EPB41L4A: variants seen among roughly 807,000 people sequenced by gnomAD.
EPB41L4A encodes erythrocyte membrane protein band 4.1 like 4A, also known as band 4.1-like protein 4A.
EPB41L4A carries 100 observed loss-of-function variants against 108.6 expected under a neutral mutation model. The ratio of observed to expected loss-of-function variants is 0.92; its 90% confidence interval spans 0.78 to 1.09. The LOEUF (loss-of-function observed/expected upper bound fraction) is 1.09. Among genes scored for constraint, EPB41L4A ranks in the 50% least tolerant of loss-of-function variants. The pLI, the probability that EPB41L4A is intolerant of heterozygous loss-of-function variation, is 0.00. For missense variants in EPB41L4A, 1,030 were observed against 842.7 expected (o/e 1.22, Z -2.75); for synonymous variants, 319 against 289.0 (o/e 1.10, Z -1.05).
intron 12 of EPB41L4A, among the ~76,000 whole-genome samples, chr5:112,222,249 A>G (rs1175849646): frequency 1.3e-5 from 2 of 152,252 alleles, no homozygotes; most frequent in Non-Finnish European, 2.9e-5. Context: ...CAGAAGTTGT[A>G]TATTTTCAAA....
At chr5:112,144,147 A>G (rs1478024151) in intron 13 of EPB41L4A, among the ~76,000 whole-genome samples, 1 of 152,214 alleles carries the variant, frequency 6.6e-6, no homozygotes, top group Non-Finnish European at 1.5e-5. Context: ...CAGCCCTGGG[A>G]ATATGAGGGA....
At chr5:112,410,268 T>C (rs902867413) in intron 1 of EPB41L4A, among the ~76,000 whole-genome samples, 1 of 151,302 alleles carries the variant, frequency 6.6e-6, no homozygotes, top group Non-Finnish European at 1.5e-5. Flanking sequence ...AGAAAGGAGG[T>C]TGGGACTTGA....
rs185610210 is a variant in EPB41L4A at position 112,153,158 on chromosome 5, G to C, written n.994+5243C>G. Among the ~76,000 whole-genome samples the C allele has an allele frequency of 6.2e-3, 940 of 152,084 alleles. 17 individuals carry two copies. The highest frequency in any genetic ancestry group is 0.021 in the African/African-American group (871 of 41,468). On this transcript the variant is annotated intron_variant and non_coding_transcript_variant, in intron 12 of 13. Transcript: ENST00000507810. ...TGCTTGATCCTGGAAGGTGGAGGTT[G>C]CAGTGAGCCGAGATCAAACCATTGC...
At chr5:112,226,175 T>G (rs924381442) in intron 12 of EPB41L4A, among the ~76,000 whole-genome samples, 39 of 152,226 alleles carry the variant, frequency 2.6e-4, no homozygotes, top group African/African-American at 9.4e-4. Flanking sequence ...GGAACATATA[T>G]TACTTTATTA....
chr5:112,317,553 A>G (rs1755508716), intron 1 of EPB41L4A, among the ~76,000 whole-genome samples: 1 of 152,190 alleles, frequency 6.6e-6, no homozygotes, highest in African/African-American at 2.4e-5. Context: ...TGGTGCATGA[A>G]GTCAGATCTA....
intron 2 of EPB41L4A, among the ~76,000 whole-genome samples, chr5:112,294,749 C>T (rs1414509312): frequency 6.6e-6 from 1 of 151,602 alleles, no homozygotes; most frequent in Non-Finnish European, 1.5e-5. Context: ...TACGGCGTAC[C>T]TGAAGTACGC....
intron 3 of EPB41L4A, 83 bp downstream of exon 3, chr5:112,280,189 A>C: frequency 1.7e-6 from 2 of 1,191,860 alleles, no homozygotes; most frequent in Non-Finnish European, 2.5e-6. Flanking sequence ...CCAGTACTAA[A>C]GCCCACTTCT....
chr5:112,415,904 G>C (rs1041497280), intron 1 of EPB41L4A, among the ~76,000 whole-genome samples: 3 of 151,768 alleles, frequency 2.0e-5, no homozygotes, highest in African/African-American at 7.3e-5. Context: ...TGCCCCTAAA[G>C]CAAGTAAAAA....
At position 112,165,128 on chromosome 5, in the gene EPB41L4A, A is replaced by ACATT; in HGVS notation, c.1933-11_1933-10insAATG. On this transcript the variant is annotated splice_polypyrimidine_tract_variant and intron_variant, in intron 22 of 22. Transcript: ENST00000261486. ...TAGACCCATTTCTTCTCTAAAATAT[A>ACATT]TTTGAAAAATGTAGAAAGATTCAGA... 1 of 1,585,266 alleles carries ACATT rather than the reference A, an allele frequency of 6.3e-7. No homozygotes were observed. Among genetic ancestry groups the ACATT allele is most frequent in the Non-Finnish European group, 8.6e-7 (1 of 1,160,020 alleles).
At chr5:112,199,525 A>G (rs1053907625) in intron 15 of EPB41L4A, among the ~76,000 whole-genome samples, 1 of 152,164 alleles carries the variant, frequency 6.6e-6, no homozygotes, top group African/African-American at 2.4e-5. Context: ...CCTAATCTCT[A>G]TATTTCAAGT....
chr5:112,333,336 T>C (rs544473368), intron 1 of EPB41L4A, among the ~76,000 whole-genome samples: 1 of 152,050 alleles, frequency 6.6e-6, no homozygotes, highest in African/African-American at 2.4e-5. Context: ...GGCAGGAATG[T>C]GCATGTCAAC....
Position 112,235,676 on chromosome 5 carries a change from T to A in EPB41L4A, c.966-921A>T, listed in dbSNP as rs995026281. Among the ~76,000 whole-genome samples, 7 of 152,326 alleles carry A rather than the reference T, an allele frequency of 4.6e-5. 1 individual carries two copies. The highest frequency in any genetic ancestry group is 2.0e-4 in the Admixed American group (3 of 15,294). ...ACAGACTTAAAATTCATCTTTCACATGCTTCTGTGGAAGTTTCTCCTCCTT... is the reference window on the plus strand; with the variant it reads ...ACAGACTTAAAATTCATCTTTCACAAGCTTCTGTGGAAGTTTCTCCTCCTT... On this transcript the variant is annotated intron_variant, in intron 11 of 22. Coordinates refer to ENST00000261486, the MANE Select transcript of EPB41L4A (RefSeq NM_022140.5).
chr5:112,411,025 C>A (rs1042348173), intron 1 of EPB41L4A, among the ~76,000 whole-genome samples: 14 of 152,168 alleles, frequency 9.2e-5, no homozygotes, highest in African/African-American at 3.4e-4. Context: ...GATAGGTGAG[C>A]TAATAAACTT....
intron 1 of EPB41L4A, among the ~76,000 whole-genome samples, chr5:112,409,577 G>A (rs751409473): frequency 4.6e-5 from 7 of 152,268 alleles, no homozygotes; most frequent in Admixed American, 1.3e-4. Flanking sequence ...AAACGGAAAG[G>A]AGAGAGATGC....
chr5:112,148,075 G>C (rs1369553782), intron 12 of EPB41L4A, among the ~76,000 whole-genome samples: 1 of 135,956 alleles, frequency 7.4e-6, no homozygotes, highest in African/African-American at 3.3e-5. Flanking sequence ...AGAAAATTGG[G>C]AGTTAAATAG....
intron 7 of EPB41L4A, 92 bp from the exon 8 acceptor site, chr5:112,260,071 T>A: frequency 1.1e-6 from 1 of 918,000 alleles, no homozygotes; most frequent in Non-Finnish European, 1.7e-6. Flanking sequence ...TTTGTTACAT[T>A]AATATTGGAT....
intron 12 of EPB41L4A, among the ~76,000 whole-genome samples, chr5:112,224,708 C>T (rs1748333999): frequency 6.6e-6 from 1 of 152,104 alleles, no homozygotes; most frequent in Non-Finnish European, 1.5e-5. Flanking sequence ...CTTAAATAAT[C>T]AGTCAAGAGG....
chr5:112,370,004 T>C (rs1200465340), intron 1 of EPB41L4A, among the ~76,000 whole-genome samples: 1 of 152,078 alleles, frequency 6.6e-6, no homozygotes, highest in Non-Finnish European at 1.5e-5. Flanking sequence ...ACTGGCAACT[T>C]TTCTGTCTTC....
chr5:112,389,712 C>G (rs1425029834), intron 1 of EPB41L4A, among the ~76,000 whole-genome samples: 3 of 152,220 alleles, frequency 2.0e-5, no homozygotes, highest in Admixed American at 2.0e-4. Context: ...AACACTTACT[C>G]TACTTATGGA....
Sources: allele counts gnomAD v4.1 joint callset (sites outside exome capture counted in the v4.1 genomes callset), GRCh38; gene constraint gnomAD v4.1.1; transcripts MANE v1.5; gene names NCBI Gene and HGNC (gene_info 2026-07-23, HGNC 2026-07-21).